MYH4: variants seen among roughly 807,000 people sequenced by gnomAD.
MYH4 encodes the protein myosin-4.
Under a neutral mutation model 229.9 loss-of-function variants are expected in MYH4, and 200 were observed. That is an observed-to-expected ratio of 0.87 (90% CI 0.78 to 0.98). The LOEUF is 0.98. MYH4 is among the 50% of genes least tolerant of loss of function. MYH4 has a pLI of 0.00. For missense variants in MYH4, 2,148 were observed against 2,332.6 expected (o/e 0.92, Z 1.63); for synonymous variants, 761 against 834.6 (o/e 0.91, Z 1.52).
At chr17:10,465,076 T>A (rs2072747361) in intron 5 of MYH4, among the ~76,000 whole-genome samples, 2 of 152,252 alleles carry the variant, frequency 1.3e-5, no homozygotes, top group Non-Finnish European at 2.9e-5. Flanking sequence ...AACTTGTCAC[T>A]GTGAGTCTTC....
Position 10,447,082 on chromosome 17 carries a change from C to G in MYH4, c.5100G>C (p.Glu1700Asp). Residue 1700 changes from glutamate (E) to aspartate (D), a missense_variant, in exon 35 of 40, where the codon GAG (glutamate) becomes GAC (aspartate). Glu to Asp is a conservative substitution (Grantham distance 45, BLOSUM62 2). Coordinates refer to ENST00000255381, the MANE Select transcript of MYH4 (RefSeq NM_017533.2). ...EELRASLERT[E>D]RGRKMAEQEL... is the part of the protein sequence containing the mutation. ...CTTGCTCTGCCATTTTCCTGCCTCTCTCAGTCCGTTCCAGGGATGCCCTGA... is the reference window on the plus strand; with the variant it reads ...CTTGCTCTGCCATTTTCCTGCCTCTGTCAGTCCGTTCCAGGGATGCCCTGA... 6.2e-7 allele frequency: 1 copy of G among 1,614,174 alleles called. No homozygotes were observed. The highest frequency in any genetic ancestry group is 1.1e-5 in the South Asian group (1 of 91,084).
chr17:10,451,259 A>G, intron 28 of MYH4, 67 bp downstream of exon 28: 1 of 1,552,758 alleles, frequency 6.4e-7, no homozygotes, highest in Non-Finnish European at 8.7e-7. Context: ...CTTGTATTTG[A>G]TAGGTAGGTA....
In MYH4 at chr17:10,466,299, C is replaced by A. The variant is rs1398468711; in HGVS notation, c.322G>T (p.Glu108Ter). The part of the protein sequence containing the change: ...HEPAVLYNLK[E>*]RYAAWMIYTY... ...TAGATCATCCAGGCTGCGTAACGCT[C>A]TTTGAGGTTATACAGCACAGCAGGC... is the stretch of plus-strand genomic sequence containing the variant. Residue 108 changes from glutamate (E) to a stop codon, truncating the protein, a stop_gained, in exon 4 of 40, where the codon GAG becomes TAG. Coordinates refer to ENST00000255381, the MANE Select transcript of MYH4 (RefSeq NM_017533.2). LOFTEE classifies it high-confidence loss of function. 1 of 1,614,092 alleles carries A rather than the reference C, an allele frequency of 6.2e-7. No individual in the cohort carries two copies. The highest frequency in any genetic ancestry group is 8.5e-7 in the Non-Finnish European group (1 of 1,180,020).
chr17:10,465,533 C>T lies in MYH4; in HGVS notation c.414G>A (p.Glu138=), dbSNP rs1222817978. Residue 138 remains glutamate (E), a synonymous_variant, in exon 5 of 40, where the codon GAG becomes GAA. Coordinates refer to ENST00000255381, the MANE Select transcript of MYH4 (RefSeq NM_017533.2). Reference sequence around the variant, plus strand: ...TTTTGCCTCGGTAGGCTGTCACCACCTCAGGGTTGTACACCGGCAGCCACT... The same window carrying T: ...TTTTGCCTCGGTAGGCTGTCACCACTTCAGGGTTGTACACCGGCAGCCACT... ...PYKWLPVYNP[E]VVTAYRGKKR... The T allele has an allele frequency of 1.9e-6, 3 of 1,614,130 alleles. No individual in the cohort carries two copies. The highest frequency in any genetic ancestry group is 1.1e-5 in the South Asian group (1 of 91,086).
intron 11 of MYH4, among the ~76,000 whole-genome samples, chr17:10,462,205 C>T (rs2142228715): frequency 6.6e-6 from 1 of 152,066 alleles, no homozygotes; most frequent in East Asian, 1.9e-4. Flanking sequence ...GAAGATTATT[C>T]AGAAATCAAA....
At chr17:10,455,319 A>G (rs2072626973) in intron 19 of MYH4, 24 bp from the exon 20 acceptor site, 1 of 1,596,000 alleles carries the variant, frequency 6.3e-7, no homozygotes, top group Non-Finnish European at 8.5e-7. Flanking sequence ...AAGAATATAA[A>G]AATGTGGTTT....
At chr17:10,445,683 T>C (rs1274858387) in intron 35 of MYH4, among the ~76,000 whole-genome samples, 2 of 152,136 alleles carry the variant, frequency 1.3e-5, no homozygotes, top group Non-Finnish European at 2.9e-5. Context: ...GAATCAGTAA[T>C]TTTTAGCTAT....
Position 10,459,451 on chromosome 17 carries a change from C to T in MYH4, c.1417-30G>A, listed in dbSNP as rs147300466. ...AGAACAAGATAAATATAGGAAATTA[C>T]GCATAACAAGTATTCTATCTACAGA... On this transcript the variant is annotated intron_variant, in intron 14 of 39. Transcript: ENST00000255381. 5.9e-3 allele frequency: 9,443 copies of T among 1,614,092 alleles called. 39 individuals are homozygous for T. Among genetic ancestry groups the T allele is most frequent in the Non-Finnish European group, 7.2e-3 (8,542 of 1,179,986 alleles).
At chr17:10,452,625 T>G (rs2072590175) in intron 25 of MYH4, 119 bp from the exon 26 acceptor site, 2 of 1,221,064 alleles carry the variant, frequency 1.6e-6, no homozygotes, top group Admixed American at 5.0e-5. Context: ...TACAATGTTT[T>G]ACAGATTAAT....
At chr17:10,467,905 A>G (rs1310290339) in intron 2 of MYH4, among the ~76,000 whole-genome samples, 10 of 152,256 alleles carry the variant, frequency 6.6e-5, no homozygotes, top group Admixed American at 3.9e-4. Flanking sequence ...TTGGTTGCCA[A>G]TGACAATGAC....
chr17:10,450,559 C>T lies in MYH4; in HGVS notation c.4075G>A (p.Ala1359Thr), dbSNP rs1013367290. ...EQYEEEQEAK[A>T]ELQRGMSKAN... ...TTGGACATTCCCCTCTGCAGCTCAGCCTTGGCTTCCTGCTCCTCCTCATAC... is the reference window on the plus strand; with the variant it reads ...TTGGACATTCCCCTCTGCAGCTCAGTCTTGGCTTCCTGCTCCTCCTCATAC... The change falls in exon 30 of 40, where the codon GCT (alanine) becomes ACT (threonine). Residue 1359 changes from alanine to threonine, a missense_variant. By Grantham distance (58) the Ala-to-Thr change is moderately conservative (BLOSUM62 0). Coordinates refer to ENST00000255381, the MANE Select transcript of MYH4 (RefSeq NM_017533.2). 1 of 1,614,204 alleles carries T rather than the reference C, an allele frequency of 6.2e-7. No individual in the cohort carries two copies. The highest frequency in any genetic ancestry group is 8.5e-7 in the Non-Finnish European group (1 of 1,180,034).
chr17:10,456,813 G>T (rs902013572), intron 16 of MYH4, among the ~76,000 whole-genome samples: 3 of 152,162 alleles, frequency 2.0e-5, no homozygotes, highest in Non-Finnish European at 4.4e-5. Context: ...GTAGGGGATG[G>T]GACTCCCCTA....
chr17:10,447,571 C>T (rs2072525365), intron 34 of MYH4, among the ~76,000 whole-genome samples: 1 of 152,202 alleles, frequency 6.6e-6, no homozygotes, highest in African/African-American at 2.4e-5. Flanking sequence ...TAGCCAAACT[C>T]TTTCATCACT....
Position 10,463,206 on chromosome 17 carries a change from C to G in MYH4, c.806-18G>C, listed in dbSNP as rs753881067. 6.3e-7 allele frequency: 1 copy of G among 1,599,396 alleles called. No homozygotes were observed. The stretch of plus-strand genomic sequence containing the variant: ...TAGCAGATCTGGAAGTCAGATTAAG[C>G]TCATTTAAAAGAAGATGCCACAGTG... On this transcript the variant is annotated intron_variant, in intron 9 of 39. Transcript: ENST00000255381.
rs972335164 is a variant in MYH4 at position 10,459,350 on chromosome 17, C to A, written c.1488G>T (p.Met496Ile). The part of the protein sequence containing the change: ...EKLQQFFNHH[M>I]FVLEQEEYKK... ...TGTACTCTTCCTGCTCCAGCACGAACATGTGGTGGTTGAAAAACTGTTGCA... is the reference window on the plus strand; with the variant it reads ...TGTACTCTTCCTGCTCCAGCACGAAAATGTGGTGGTTGAAAAACTGTTGCA... The change falls in exon 15 of 40, where the codon ATG (methionine) becomes ATT (isoleucine). Residue 496 changes from methionine (M) to isoleucine (I), a missense_variant. Physicochemically the swap from Met to Ile is conservative, Grantham distance 10. Coordinates refer to ENST00000255381, the MANE Select transcript of MYH4 (RefSeq NM_017533.2). 6.2e-7 allele frequency: 1 copy of A among 1,614,140 alleles called. No homozygotes were observed. The highest frequency in any genetic ancestry group is 8.5e-7 in the Non-Finnish European group (1 of 1,180,018).
chr17:10,455,243 T>A lies in MYH4; in HGVS notation c.2227A>T (p.Lys743Ter), dbSNP rs372722710. ...CCTAGAAGTTTCTCAGAAGCCTTCT[T>A]GCTGTCAATGAACTGACCCTCTGGG... ...AIPEGQFIDS[K>*]KASEKLLGSI... Residue 743 changes from lysine to a stop codon, truncating the protein, a stop_gained, in exon 20 of 40, where the codon AAG becomes TAG. Transcript: ENST00000255381. LOFTEE classifies it high-confidence loss of function. 5 of 1,614,004 alleles carry A rather than the reference T, an allele frequency of 3.1e-6. No individual in the cohort carries two copies. Among genetic ancestry groups the A allele is most frequent in the Non-Finnish European group, 1.7e-6 (2 of 1,179,868 alleles).
chr17:10,462,202 A>T (rs968057069), intron 11 of MYH4, among the ~76,000 whole-genome samples: 22 of 152,228 alleles, frequency 1.4e-4, no homozygotes, highest in Admixed American at 1.2e-3. Context: ...AAGGAAGATT[A>T]TTCAGAAATC....
intron 17 of MYH4, 62 bp from the exon 18 acceptor site, chr17:10,455,963 T>A: frequency 6.3e-7 from 1 of 1,584,260 alleles, no homozygotes; most frequent in Non-Finnish European, 8.6e-7. Context: ...AGAGTCCCTA[T>A]CAATATTTGT....
In MYH4 at chr17:10,450,875, C is replaced by T. The variant is rs1161450776; in HGVS notation, c.3886G>A (p.Asp1296Asn). The T allele has an allele frequency of 5.6e-6, 9 of 1,613,858 alleles. No homozygotes were observed. Among genetic ancestry groups the T allele is most frequent in the Non-Finnish European group, 7.6e-6 (9 of 1,179,956 alleles). ...TESGEFSRQL[D>N]EKDAMVSQLS... ...TGAGAAACCATAGCATCTTTTTCAT[C>T]TAGCTGTCGTGAAAACTCACCTGTG... Residue 1296 changes from aspartate (D) to asparagine (N), a missense_variant, in exon 29 of 40, where the codon GAT becomes AAT. Coordinates refer to ENST00000255381, the MANE Select transcript of MYH4 (RefSeq NM_017533.2).
Sources: gnomAD v4.1 joint callset for allele counts (sites outside exome capture counted in the v4.1 genomes callset) on GRCh38, gnomAD v4.1.1 for gene constraint, MANE v1.5 for transcripts, NCBI Gene and HGNC (gene_info 2026-07-23, HGNC 2026-07-21) for gene names.